Variants in PAX6 observed in about 807,000 individuals in gnomAD.
PAX6 encodes the protein paired box protein Pax-6.
PAX6 carries 7 observed loss-of-function variants against 60.7 expected under a neutral mutation model. That is an observed-to-expected ratio of 0.12 (90% CI 0.07 to 0.22). The LOEUF (loss-of-function observed/expected upper bound fraction) is 0.22, where lower values mean the gene tolerates loss of function less well. Ranked by LOEUF, PAX6 falls within the 10% of genes least tolerant of loss-of-function variation. The probability of loss-of-function intolerance (pLI) is 1.00; values close to 1 mark genes in which losing one functional copy is unlikely to be tolerated. For missense variants in PAX6, 355 were observed against 555.2 expected (o/e 0.64, Z 3.62); for synonymous variants, 208 against 201.2 (o/e 1.03, Z -0.29).
upstream of PAX6, among the ~76,000 whole-genome samples, chr11:31,815,634 C>A (rs1420487770): frequency 6.6e-6 from 1 of 152,106 alleles, no homozygotes; most frequent in African/African-American, 2.4e-5. Flanking sequence ...CAAGCTGTTC[C>A]CAACCCCAGT....
intron 8 of PAX6, among the ~76,000 whole-genome samples, chr11:31,798,867 C>T (rs925699610): frequency 6.6e-6 from 1 of 152,210 alleles, no homozygotes; most frequent in African/African-American, 2.4e-5. Context: ...AGCTGCTGTC[C>T]TCGGCTTCTG....
chr11:31,816,392 T>G, intron 1 of PAX6: 2 of 605,314 alleles, frequency 3.3e-6, no homozygotes, highest in East Asian at 2.8e-5. Flanking sequence ...ACAGAGGAGG[T>G]CCTCGGCTCG....
At chr11:31,814,644 C>G (rs993261079), upstream of PAX6, 2 of 152,324 alleles carry the variant, frequency 1.3e-5, no homozygotes, top group African/African-American at 4.8e-5. Context: ...GGTGGGATCC[C>G]TTGTCCGCGG....
At chr11:31,798,979 C>T (rs1952631961) in intron 8 of PAX6, among the ~76,000 whole-genome samples, 1 of 152,242 alleles carries the variant, frequency 6.6e-6, no homozygotes, top group Non-Finnish European at 1.5e-5. Context: ...GCTCAGCCCT[C>T]CCAGGCCTAG....
chr11:31,803,020 C>A, intron 4 of PAX6, 186 bp from the exon 5 acceptor site: 1 of 672,870 alleles, frequency 1.5e-6, no homozygotes, highest in Non-Finnish European at 2.6e-6. Context: ...CCCTGCCAAC[C>A]TGTGCCAACC....
chr11:31,817,264 G>A (rs1326884763), intron 1 of PAX6, among the ~76,000 whole-genome samples: 1 of 152,280 alleles, frequency 6.6e-6, no homozygotes, highest in Non-Finnish European at 1.5e-5. Context: ...CGTACTCCGC[G>A]TCTTTCTGAG....
chr11:31,794,305 G>A, intron 9 of PAX6, 191 bp from the exon 10 acceptor site: 1 of 659,110 alleles, frequency 1.5e-6, no homozygotes, highest in South Asian at 1.7e-5. Context: ...CTTTGGAATG[G>A]CATTCAGTGA....
At chr11:31,799,878 G>GT (rs1565228654) in intron 8 of PAX6, among the ~76,000 whole-genome samples, 1 of 152,064 alleles carries the variant, frequency 6.6e-6, no homozygotes, top group Non-Finnish European at 1.5e-5. Context: ...GGAGTAAACT[G>GT]TTTCCTATTC....
At chr11:31,793,389 TC>T in intron 12 of PAX6, 48 bp downstream of exon 12, 1 of 1,529,410 alleles carries the variant, frequency 6.5e-7, no homozygotes, top group Middle Eastern at 1.7e-4. Context: ...GAGCCACTCC[TC>T]ACTTCTCTGG....
chr11:31,790,315 C>A, intron 13 of PAX6: 1 of 646,762 alleles, frequency 1.5e-6, no homozygotes, highest in Non-Finnish European at 2.3e-6. Flanking sequence ...ATAAAGCTGT[C>A]TCTGGAAAAC....
chr11:31,803,970 T>A (rs694617), intron 4 of PAX6: 2 of 152,120 alleles, frequency 1.3e-5, no homozygotes, highest in Non-Finnish European at 2.9e-5. Flanking sequence ...CCGACTTAGA[T>A]AGCAGCCCTC....
intron 4 of PAX6, chr11:31,804,873 C>T (rs1955293890): frequency 6.6e-6 from 1 of 152,474 alleles, no homozygotes; most frequent in South Asian, 2.1e-4. Flanking sequence ...CAGATACCGC[C>T]GGCTGGTGCT....
intron 2 of PAX6, chr11:31,807,769 C>T (rs1176218598): frequency 6.6e-6 from 1 of 152,346 alleles, no homozygotes; most frequent in Non-Finnish European, 1.5e-5. Flanking sequence ...TAACCAGCAA[C>T]ACAGCTTCCA....
At chr11:31,806,294 C>T in intron 4 of PAX6, 108 bp downstream of exon 4, 1 of 1,355,164 alleles carries the variant, frequency 7.4e-7, no homozygotes. Flanking sequence ...GGGCCTCAGT[C>T]GGTCGGCGGC....
intron 1 of PAX6, chr11:31,816,554 G>T (rs749117053): frequency 1.4e-6 from 1 of 702,644 alleles, no homozygotes; most frequent in Non-Finnish European, 2.6e-6. Context: ...TGGAGGAGAA[G>T]GTCCACTTCC....
At chr11:31,795,637 T>C (rs1951236148) in intron 8 of PAX6, among the ~76,000 whole-genome samples, 1 of 152,246 alleles carries the variant, frequency 6.6e-6, no homozygotes, top group South Asian at 2.1e-4. Flanking sequence ...ATCATTTAAG[T>C]GGTACATTTT....
At chr11:31,793,232 T>A (rs1364528444) in intron 12 of PAX6, 4 of 695,250 alleles carry the variant, frequency 5.8e-6, no homozygotes, top group Non-Finnish European at 1.1e-5. Flanking sequence ...CAGATTTTTA[T>A]TACTCATTTT....
chr11:31,793,252 T>C (rs1418891863), intron 12 of PAX6, 186 bp downstream of exon 12: 1 of 700,104 alleles, frequency 1.4e-6, no homozygotes, highest in Admixed American at 2.0e-5. Flanking sequence ...TTTTAGGGCA[T>C]GAATTAATGA....
At chr11:31,801,385 G>A in intron 7 of PAX6, 176 bp downstream of exon 7, 1 of 1,500,020 alleles carries the variant, frequency 6.7e-7, no homozygotes, top group Non-Finnish European at 8.9e-7. Context: ...CCATTTTCCA[G>A]ACAGTCAAAG....
Sources: allele counts gnomAD v4.1 joint callset (sites outside exome capture counted in the v4.1 genomes callset), GRCh38; gene constraint gnomAD v4.1.1; transcripts MANE v1.5; gene names NCBI Gene and HGNC (gene_info 2026-07-23, HGNC 2026-07-21).